ARMH3: variants seen among roughly 807,000 people sequenced by gnomAD.
ARMH3 encodes the protein armadillo like helical domain containing 3.
A neutral mutation model predicts 99.1 loss-of-function variants in ARMH3; 60 were observed. The ratio of observed to expected loss-of-function variants is 0.61; its 90% CI spans 0.49 to 0.75. The LOEUF is 0.75. ARMH3 is among the 30% of genes least tolerant of loss of function. The pLI is 0.00. For missense variants in ARMH3, 679 were observed against 843.1 expected (o/e 0.81, Z 2.41); for synonymous variants, 285 against 292.8 (o/e 0.97, Z 0.27).
At chr10:102,006,791 G>C (rs930942077) in intron 13 of ARMH3, among the ~76,000 whole-genome samples, 158 bp from the exon 14 acceptor site, 31 of 151,752 alleles carry the variant, frequency 2.0e-4, no homozygotes, top group Non-Finnish European at 2.9e-4. Context: ...CGAAATCCTA[G>C]GCTCAAGCAC....
At chr10:101,878,079 G>A (rs141802759) in intron 24 of ARMH3, among the ~76,000 whole-genome samples, 378 of 152,116 alleles carry the variant, frequency 2.5e-3, no homozygotes, top group African/African-American at 6.4e-3. Flanking sequence ...CCAACATGGC[G>A]AAACCCTGTC....
At chr10:101,985,100 C>T (rs1387436645) in intron 19 of ARMH3, among the ~76,000 whole-genome samples, 1 of 130,436 alleles carries the variant, frequency 7.7e-6, no homozygotes, top group African/African-American at 2.5e-5. Context: ...CACACACACA[C>T]ACACACACAC....
At chr10:101,876,549 T>A (rs1239075980) in intron 24 of ARMH3, among the ~76,000 whole-genome samples, 1 of 152,186 alleles carries the variant, frequency 6.6e-6, no homozygotes, top group Non-Finnish European at 1.5e-5. Context: ...GAAGACCACA[T>A]CTTTTCAACA....
chr10:101,859,375 T>A (rs774467734), intron 24 of ARMH3, among the ~76,000 whole-genome samples: 10 of 152,238 alleles, frequency 6.6e-5, no homozygotes, highest in Non-Finnish European at 1.5e-4. Context: ...ACCATTAGCT[T>A]GGACATATCT....
chr10:101,985,076 TATACACACACACACACACAC>T (rs1236214104), intron 19 of ARMH3, among the ~76,000 whole-genome samples: 7 of 129,068 alleles, frequency 5.4e-5, no homozygotes, highest in African/African-American at 2.1e-4. Context: ...TAAAAATATA[TATACACACACACACACACAC>T]ACACACACAC....
At chr10:101,938,877 G>C (rs1013238337) in intron 23 of ARMH3, among the ~76,000 whole-genome samples, 20 of 152,140 alleles carry the variant, frequency 1.3e-4, no homozygotes, top group Admixed American at 1.0e-3. Flanking sequence ...CTCACCCCAT[G>C]CTCCCTCATC....
chr10:101,993,617 A>G lies in ARMH3; in HGVS notation c.1210-14T>C. 2 of 1,542,782 alleles carry G rather than the reference A, an allele frequency of 1.3e-6. No individual in the cohort carries two copies. Among genetic ancestry groups the G allele is most frequent in the Admixed American group, 1.9e-5 (1 of 52,576 alleles). On this transcript the variant is annotated splice_polypyrimidine_tract_variant and intron_variant, in intron 16 of 25. Coordinates refer to ENST00000370033, the MANE Select transcript of ARMH3 (RefSeq NM_024541.3). ...GGCATATTGATCCTAATAAAAATAT[A>G]GAGAAAAAGTAAGAAGCGAGAGCTA...
At chr10:101,881,571 T>C (rs1234452978) in intron 24 of ARMH3, among the ~76,000 whole-genome samples, 1 of 151,914 alleles carries the variant, frequency 6.6e-6, no homozygotes, top group Admixed American at 6.6e-5. Flanking sequence ...TAACTGCAAT[T>C]TTAAAAAAAA....
chr10:101,877,418 T>C (rs2067296391), intron 24 of ARMH3, among the ~76,000 whole-genome samples: 1 of 152,148 alleles, frequency 6.6e-6, no homozygotes, highest in South Asian at 2.1e-4. Context: ...TCCCAACACT[T>C]TGGGAGGCCG....
intron 19 of ARMH3, among the ~76,000 whole-genome samples, chr10:101,976,383 A>ATC (rs542700143): frequency 0.099 from 13,015 of 131,028 alleles, 612 homozygotes; most frequent in African/African-American, 0.11. Context: ...AGATTAATCA[A>ATC]TCTCTCTCTC....
intron 23 of ARMH3, among the ~76,000 whole-genome samples, chr10:101,936,250 T>C (rs946021689): frequency 5.3e-5 from 8 of 151,954 alleles, no homozygotes; most frequent in Admixed American, 1.3e-4. Context: ...TCCCAGCACT[T>C]TGGGAGGCCG....
At chr10:101,962,366 T>C (rs772488801) in intron 20 of ARMH3, among the ~76,000 whole-genome samples, 69 of 151,846 alleles carry the variant, frequency 4.5e-4, no homozygotes, top group Non-Finnish European at 7.4e-4. Flanking sequence ...AGTTAATAAC[T>C]GTGTCCAGAA....
intron 20 of ARMH3, among the ~76,000 whole-genome samples, chr10:101,967,752 C>T (rs139146193): frequency 4.6e-5 from 7 of 151,996 alleles, no homozygotes; most frequent in Admixed American, 2.6e-4. Context: ...GAGCAGGGGG[C>T]GGGGAACAAC....
chr10:101,928,040 C>T (rs1338290571), intron 23 of ARMH3, among the ~76,000 whole-genome samples: 1 of 152,204 alleles, frequency 6.6e-6, no homozygotes, highest in African/African-American at 2.4e-5. Flanking sequence ...CGTCACTGCA[C>T]TCCCGCCTGG....
intron 2 of ARMH3, among the ~76,000 whole-genome samples, chr10:102,033,807 T>C (rs550763332): frequency 1.7e-3 from 253 of 152,340 alleles, no homozygotes; most frequent in African/African-American, 5.7e-3. Context: ...GTGTTTTTTT[T>C]CCCAAGTGGA....
At chr10:101,852,445 T>C (rs776282152) in intron 24 of ARMH3, among the ~76,000 whole-genome samples, 11 of 152,218 alleles carry the variant, frequency 7.2e-5, no homozygotes, top group Non-Finnish European at 1.5e-4. Context: ...GTCCCTGAGC[T>C]ACTAGCTCCT....
chr10:101,991,888 A>G (rs1011337184), intron 18 of ARMH3, 81 bp downstream of exon 18: 14 of 1,275,554 alleles, frequency 1.1e-5, no homozygotes, highest in African/African-American at 1.5e-5. Context: ...GAAGCACATC[A>G]AACAGGTTCT....
Position 101,847,138 on chromosome 10 carries a change from C to T in ARMH3, c.*390G>A, listed in dbSNP as rs1270107016. The T allele has an allele frequency of 5.3e-6, 1 of 188,270 alleles. No homozygotes were observed. Among genetic ancestry groups the T allele is most frequent in the African/African-American group, 2.3e-5 (1 of 42,598 alleles). The allele number at this position is 188,270 out of a possible 1,614,324, so 11.7% of individuals were successfully genotyped here. ...CTATATCTGAGAGTTGATCTGTTTT[C>T]AGAAGCCGAGCAGAGCCACTGACTT... On this transcript the variant is annotated 3_prime_UTR_variant, in exon 26 of 26. Transcript: ENST00000370033.
chr10:102,023,487 C>G lies in ARMH3; in HGVS notation c.659G>C (p.Arg220Thr). 1 of 1,613,752 alleles carries G rather than the reference C, an allele frequency of 6.2e-7. No individual in the cohort carries two copies. The highest frequency in any genetic ancestry group is 8.5e-7 in the Non-Finnish European group (1 of 1,179,748). The change falls in exon 8 of 26, where the codon AGA becomes ACA. Residue 220 changes from arginine (R) to threonine (T), a missense_variant. Coordinates refer to ENST00000370033, the MANE Select transcript of ARMH3 (RefSeq NM_024541.3). The stretch of plus-strand genomic sequence containing the variant: ...AAGGAGCCCAGTTACCTCATATTTT[C>G]TATAGTTCACCAGCAAAGCCAAGAG... Reference protein sequence around the residue: ...VVLLALLVNYRKYESVNPYIV... With the variant: ...VVLLALLVNYTKYESVNPYIV...
Sources: allele counts gnomAD v4.1 joint callset (sites outside exome capture counted in the v4.1 genomes callset), GRCh38; gene constraint gnomAD v4.1.1; transcripts MANE v1.5; gene names NCBI Gene and HGNC (gene_info 2026-07-23, HGNC 2026-07-21).